The following CCL28 variants were observed in gnomAD, a reference collection of about 807,000 sequenced individuals.
The protein encoded by CCL28 is C-C motif chemokine 28.
A neutral mutation model predicts 7.1 loss-of-function variants in CCL28; 4 were observed. The observed-to-expected ratio is 0.56, with a 90% confidence interval of 0.28 to 1.29. The LOEUF (loss-of-function observed/expected upper bound fraction) is 1.29, where lower values mean the gene tolerates loss of function less well. CCL28 is among the 50% of genes most tolerant of loss of function. CCL28 has a pLI of 0.11. For missense variants in CCL28, 151 were observed against 163.4 expected (o/e 0.92, Z 0.41); for synonymous variants, 55 against 57.8 (o/e 0.95, Z 0.22).
At position 43,391,963 on chromosome 5, in the gene CCL28, T is replaced by C. The variant is rs72754602; in HGVS notation, c.65-3487A>G. Among the ~76,000 whole-genome samples the C allele has an allele frequency of 4.5e-3, 684 of 152,360 alleles. 3 individuals are homozygous for C. Among genetic ancestry groups the C allele is most frequent in the South Asian group, 0.018 (85 of 4,832 alleles). On this transcript the variant is annotated intron_variant, in intron 1 of 2. Coordinates refer to ENST00000361115, the MANE Select transcript of CCL28 (RefSeq NM_148672.3). Reference sequence around the variant, plus strand: ...TTTGGTTATACTTTATTTGCTTTTCTAGATGTCTCCTTGGGGCTTGTGTGA... The same window carrying C: ...TTTGGTTATACTTTATTTGCTTTTCCAGATGTCTCCTTGGGGCTTGTGTGA...
chr5:43,378,011 C>T (rs1466872981), downstream of CCL28, among the ~76,000 whole-genome samples: 5 of 131,798 alleles, frequency 3.8e-5, no homozygotes, highest in East Asian at 7.8e-4. Flanking sequence ...GGATTACAGG[C>T]GTGAGCCACC....
At chr5:43,397,096 G>C (rs992790865) in intron 1 of CCL28, 2 of 152,244 alleles carry the variant, frequency 1.3e-5, no homozygotes, top group Non-Finnish European at 2.9e-5. Context: ...GAGGACCGAC[G>C]TGAAGAAGCT....
chr5:43,404,434 A>G (rs913521462), intron 1 of CCL28, among the ~76,000 whole-genome samples: 1 of 152,190 alleles, frequency 6.6e-6, no homozygotes, highest in African/African-American at 2.4e-5. Flanking sequence ...GGAGAAATAA[A>G]CCCCTTTACA....
intron 1 of CCL28, among the ~76,000 whole-genome samples, chr5:43,403,973 G>T (rs1741156827): frequency 6.6e-6 from 1 of 152,154 alleles, no homozygotes. Context: ...AGAATAAAAA[G>T]AAATGAACAA....
chr5:43,369,997 A>T, the CCL28 span, among the ~76,000 whole-genome samples: 1 of 152,154 alleles, frequency 6.6e-6, no homozygotes. Flanking sequence ...GAAAGACTAG[A>T]TCCTGTGATC....
At chr5:43,369,451 TTCTC>T in the CCL28 span, among the ~76,000 whole-genome samples, 1 of 152,274 alleles carries the variant, frequency 6.6e-6, no homozygotes, top group African/African-American at 2.4e-5. Context: ...TTGAGATGGA[TTCTC>T]TCTCTGCTGC....
At chr5:43,400,956 GC>G (rs1283557731) in intron 1 of CCL28, among the ~76,000 whole-genome samples, 1 of 151,892 alleles carries the variant, frequency 6.6e-6, no homozygotes, top group Non-Finnish European at 1.5e-5. Flanking sequence ...GGTGGCAGGT[GC>G]TTGTAATCCC....
intron 1 of CCL28, among the ~76,000 whole-genome samples, chr5:43,410,963 A>G (rs950639849): frequency 6.6e-5 from 10 of 152,338 alleles, no homozygotes; most frequent in African/African-American, 1.9e-4. Context: ...GCTTATTTGT[A>G]TAAGCCCAGT....
the CCL28 span, among the ~76,000 whole-genome samples, chr5:43,366,587 T>C: frequency 1.3e-5 from 2 of 152,212 alleles, no homozygotes; most frequent in Non-Finnish European, 2.9e-5. Context: ...TGTCAGCCCC[T>C]GCTGGGAGGT....
In CCL28 at chr5:43,380,697, G is replaced by C. The variant is rs1347794166; in HGVS notation, c.*1163C>G. ...ATGCACCTTGATCCCAGATACTCGGGAGGCTGAGGTGGGAGGATTGCTTGA... is the reference window on the plus strand; with the variant it reads ...ATGCACCTTGATCCCAGATACTCGGCAGGCTGAGGTGGGAGGATTGCTTGA... On this transcript the variant is annotated 3_prime_UTR_variant, in exon 3 of 3. Transcript: ENST00000361115. 1 of 152,010 alleles carries C rather than the reference G, an allele frequency of 6.6e-6. No individual in the cohort carries two copies. 9.4% of individuals were successfully genotyped at this position (152,010 alleles called of 1,614,324 possible).
At chr5:43,367,768 G>T in the CCL28 span, among the ~76,000 whole-genome samples, 4 of 152,216 alleles carry the variant, frequency 2.6e-5, no homozygotes, top group South Asian at 2.1e-4. Flanking sequence ...CCTGCCTTCT[G>T]CATTGATCTT....
At chr5:43,357,580 ATTC>A in the CCL28 span, among the ~76,000 whole-genome samples, 1 of 152,182 alleles carries the variant, frequency 6.6e-6, no homozygotes, top group African/African-American at 2.4e-5. Flanking sequence ...AAGCTCCCAA[ATTC>A]TTCTCCTTAT....
the CCL28 span, among the ~76,000 whole-genome samples, chr5:43,363,298 C>T: frequency 2.0e-5 from 3 of 152,204 alleles, no homozygotes; most frequent in African/African-American, 7.2e-5. Flanking sequence ...GCACCTTCCA[C>T]ATACAAGATA....
At chr5:43,360,170 A>C in the CCL28 span, among the ~76,000 whole-genome samples, 2 of 152,326 alleles carry the variant, frequency 1.3e-5, no homozygotes, top group East Asian at 1.9e-4. Flanking sequence ...AATCCTGCAC[A>C]AATGAAAACT....
At chr5:43,365,004 CTTTTTT>C in the CCL28 span, among the ~76,000 whole-genome samples, 2 of 112,764 alleles carry the variant, frequency 1.8e-5, no homozygotes, top group Non-Finnish European at 3.5e-5. Flanking sequence ...GGTCTTGACT[CTTTTTT>C]TTTTTTTTTT....
chr5:43,398,791 A>G (rs1287811970), intron 1 of CCL28, among the ~76,000 whole-genome samples: 1 of 152,108 alleles, frequency 6.6e-6, no homozygotes, highest in Non-Finnish European at 1.5e-5. Flanking sequence ...TGGAGGTTGC[A>G]GTGAGCCGAG....
chr5:43,363,890 A>G, the CCL28 span, among the ~76,000 whole-genome samples: 4 of 152,214 alleles, frequency 2.6e-5, no homozygotes, highest in African/African-American at 9.7e-5. Flanking sequence ...GGTTTACACA[A>G]CGAAATAGAA....
intron 1 of CCL28, among the ~76,000 whole-genome samples, chr5:43,400,086 T>G (rs952305399): frequency 6.6e-6 from 1 of 152,074 alleles, no homozygotes; most frequent in Non-Finnish European, 1.5e-5. Context: ...CCTCAAGCAA[T>G]CCTCCCACCT....
At chr5:43,359,300 A>G in the CCL28 span, among the ~76,000 whole-genome samples, 1 of 152,222 alleles carries the variant, frequency 6.6e-6, no homozygotes, top group Non-Finnish European at 1.5e-5. Context: ...CAAGCCAGGG[A>G]TAAGTATTGT....
Sources: allele counts gnomAD v4.1 joint callset (sites outside exome capture counted in the v4.1 genomes callset), GRCh38; gene constraint gnomAD v4.1.1; transcripts MANE v1.5; gene names NCBI Gene and HGNC (gene_info 2026-07-23, HGNC 2026-07-21).